Variants in C5 observed in about 807,000 individuals in gnomAD.
C5 encodes complement C5.
In C5, 140 loss-of-function variants were observed where a neutral mutation model predicts 218.8. That is an observed-to-expected ratio of 0.64 (90% CI 0.56 to 0.74). The LOEUF is 0.74. Among genes scored for constraint, C5 ranks in the 30% least tolerant of loss-of-function variants. The pLI is 0.00. For missense variants in C5, 1,700 were observed against 1,969.6 expected (o/e 0.86, Z 2.59); for synonymous variants, 614 against 682.3 (o/e 0.90, Z 1.56).
At chr9:121,047,570 G>A (rs2047638503) in intron 1 of C5, among the ~76,000 whole-genome samples, 1 of 152,126 alleles carries the variant, frequency 6.6e-6, no homozygotes, top group Non-Finnish European at 1.5e-5. Flanking sequence ...AACAAGCTTG[G>A]AGGGCACCCA....
chr9:121,009,147 G>A (rs2131744363), intron 17 of C5, among the ~76,000 whole-genome samples: 1 of 152,060 alleles, frequency 6.6e-6, no homozygotes, highest in East Asian at 1.9e-4. Flanking sequence ...GAAAAAAGGA[G>A]GCTTTATATG....
intron 20 of C5, among the ~76,000 whole-genome samples, chr9:121,002,107 T>C (rs1056641500): frequency 1.3e-5 from 2 of 149,960 alleles, no homozygotes; most frequent in African/African-American, 4.9e-5. Context: ...GAAACACAAA[T>C]TGCTGAGGCA....
intron 3 of C5, among the ~76,000 whole-genome samples, chr9:121,042,373 A>G (rs1004599197): frequency 2.0e-5 from 3 of 152,238 alleles, no homozygotes; most frequent in African/African-American, 2.4e-5. Flanking sequence ...ATGTTCTAAC[A>G]GTAACTTTCT....
chr9:120,976,924 C>G lies in C5; in HGVS notation c.3659-19G>C. 5 of 1,585,674 alleles carry G rather than the reference C, an allele frequency of 3.2e-6. No individual in the cohort carries two copies. The highest frequency in any genetic ancestry group is 4.3e-6 in the Non-Finnish European group (5 of 1,154,238). ...GGATTACCTGAACATCAACAAATTC[C>G]ATTCATTAATATGATTAAAAATGTG... On this transcript the variant is annotated intron_variant, in intron 28 of 40. Coordinates refer to ENST00000223642, the MANE Select transcript of C5 (RefSeq NM_001735.3).
intron 33 of C5, among the ~76,000 whole-genome samples, chr9:120,964,947 G>C (rs890025681): frequency 4.6e-5 from 7 of 152,172 alleles, no homozygotes; most frequent in African/African-American, 1.7e-4. Flanking sequence ...AGACAGGCTG[G>C]CGGGGCTGAG....
At chr9:120,964,411 C>T (rs1011024828) in intron 33 of C5, among the ~76,000 whole-genome samples, 2 of 152,090 alleles carry the variant, frequency 1.3e-5, no homozygotes, top group Admixed American at 1.3e-4. Flanking sequence ...GGTTGCAGTG[C>T]GCCGAGATCG....
intron 30 of C5, 76 bp downstream of exon 30, chr9:120,974,703 A>G (rs2046939580): frequency 7.6e-7 from 1 of 1,324,090 alleles, no homozygotes; most frequent in Non-Finnish European, 1.1e-6. Flanking sequence ...AGATAGATTT[A>G]TAAAATAAAG....
At chr9:120,976,571 C>T in intron 29 of C5, 129 bp downstream of exon 29, 2 of 804,074 alleles carry the variant, frequency 2.5e-6, no homozygotes, top group Non-Finnish European at 4.4e-6. Flanking sequence ...AGGGGTCCTT[C>T]AATTCTAGGC....
chr9:120,996,401 T>C, intron 21 of C5, 101 bp from the exon 22 acceptor site: 1 of 1,060,908 alleles, frequency 9.4e-7, no homozygotes. Flanking sequence ...TAAAAAATTA[T>C]TTTTCTTGGA....
intron 3 of C5, among the ~76,000 whole-genome samples, chr9:121,042,697 C>T (rs1730213405): frequency 6.6e-6 from 1 of 152,138 alleles, no homozygotes. Context: ...AACAACATAA[C>T]ATTTTACATT....
intron 12 of C5, among the ~76,000 whole-genome samples, chr9:121,018,742 A>AAAGAAAGAAAGGAAGGAAGG (rs201460198): frequency 2.9e-4 from 29 of 99,224 alleles, no homozygotes; most frequent in African/African-American, 8.2e-4. Flanking sequence ...GGAAGGAAGG[A>AAAGAAAGAAAGGAAGGAAGG]AAGGAAGGAA....
intron 26 of C5, among the ~76,000 whole-genome samples, 183 bp from the exon 27 acceptor site, chr9:120,982,122 C>T (rs887333963): frequency 3.3e-5 from 5 of 152,160 alleles, no homozygotes; most frequent in Non-Finnish European, 5.9e-5. Context: ...AGCCATCCTC[C>T]GGCCTCAGCC....
intron 2 of C5, among the ~76,000 whole-genome samples, chr9:121,043,769 A>C (rs2047601888): frequency 7.2e-6 from 1 of 138,658 alleles, no homozygotes; most frequent in South Asian, 2.2e-4. Flanking sequence ...GCTGGTCCTG[A>C]ACTCCTGGCC....
In C5 at chr9:121,011,889, C is replaced by T. The variant is rs546524845; in HGVS notation, c.2257+1984G>A. ...AAGTCAGGCACAGAAAGACAAAATT[C>T]ACATGTTCTCACTTATTTGTGGGTG... On this transcript the variant is annotated intron_variant, in intron 17 of 40. Coordinates refer to ENST00000223642, the MANE Select transcript of C5 (RefSeq NM_001735.3). 4.6e-4 allele frequency among the ~76,000 whole-genome samples: 70 copies of T among 152,186 alleles called. No homozygotes were observed. The South Asian group carries it at 8.3e-3, about 18-fold the overall frequency.
At position 121,018,742 on chromosome 9, in the gene C5, A is replaced by AAAGAAAGGAAGG. The variant is rs201460198; in HGVS notation, c.1507-891_1507-890insCCTTCCTTTCTT. ...GAAAGAAAGAAGGAAGGAAGGAAGG[A>AAAGAAAGGAAGG]AAGGAAGGAAGGAAGGAAGGAAGGA... On this transcript the variant is annotated intron_variant, in intron 12 of 40. Transcript: ENST00000223642. Among the ~76,000 whole-genome samples, 56 of 99,230 alleles carry AAAGAAAGGAAGG rather than the reference A, an allele frequency of 5.6e-4. 2 individuals are homozygous for AAAGAAAGGAAGG. The highest frequency in any genetic ancestry group is 2.0e-3 in the East Asian group (7 of 3,564). 65.1% of individuals were successfully genotyped at this position (99,230 alleles called of 152,430 possible).
At chr9:121,032,867 GGTGCATGCTTGTAGTCCCA>G (rs992411176) in intron 5 of C5, among the ~76,000 whole-genome samples, 3 of 152,124 alleles carry the variant, frequency 2.0e-5, no homozygotes, top group African/African-American at 7.2e-5. Flanking sequence ...CTGGTGTGGT[GGTGCATGCTTGTAGTCCCA>G]GCTACTTAGG....
At position 121,025,488 on chromosome 9, in the gene C5, GT is replaced by G; in HGVS notation, c.965del (p.Tyr322SerfsTer6). 6.2e-7 allele frequency: 1 copy of G among 1,608,716 alleles called. No homozygotes were observed. The highest frequency in any genetic ancestry group is 8.5e-7 in the Non-Finnish European group (1 of 1,178,132). ...YYSLEDLNNK[Y>X]LYIAVTVIES... is the part of the protein sequence containing the mutation. ...CTATGACTGTTACAGCAATATAAAG[GT>G]ACTTGTTGTTTAAATCTTCTAAACT... On this transcript the variant is annotated frameshift_variant, in exon 9 of 41. Transcript: ENST00000223642. LOFTEE classifies it high-confidence loss of function.
intron 17 of C5, among the ~76,000 whole-genome samples, chr9:121,011,656 C>T (rs1200327145): frequency 2.0e-5 from 3 of 152,110 alleles, no homozygotes; most frequent in South Asian, 2.1e-4. Context: ...ATCAGTACAT[C>T]GAAGAGATAT....
In C5 at chr9:121,025,477, G is replaced by A. The variant is rs1416038161; in HGVS notation, c.977C>T (p.Ala326Val). 1 of 1,609,784 alleles carries A rather than the reference G, an allele frequency of 6.2e-7. No individual in the cohort carries two copies. The highest frequency in any genetic ancestry group is 1.1e-5 in the South Asian group (1 of 90,942). Residue 326 changes from alanine to valine, a missense_variant, in exon 9 of 41, where the codon GCT (alanine) becomes GTT (valine). Ala to Val is a moderately conservative substitution (Grantham distance 64). Transcript: ENST00000223642. ...ACCTGTAGACTCTATGACTGTTACA[G>A]CAATATAAAGGTACTTGTTGTTTAA... The part of the protein sequence containing the change: ...EDLNNKYLYI[A>V]VTVIESTGGF...
Sources: allele counts gnomAD v4.1 joint callset (sites outside exome capture counted in the v4.1 genomes callset), GRCh38; gene constraint gnomAD v4.1.1; transcripts MANE v1.5; gene names NCBI Gene and HGNC (gene_info 2026-07-23, HGNC 2026-07-21).